The following XIRP2 variants were observed in gnomAD, a reference collection of about 807,000 sequenced individuals.
The protein encoded by XIRP2 is xin actin-binding repeat-containing protein 2.
Under a neutral mutation model 277.0 loss-of-function variants are expected in XIRP2, and 236 were observed. The ratio of observed to expected loss-of-function variants is 0.85; its 90% CI spans 0.77 to 0.95. The LOEUF (loss-of-function observed/expected upper bound fraction) is 0.95, where lower values mean the gene tolerates loss of function less well. XIRP2 is among the 40% of genes least tolerant of loss of function. The pLI, the probability that XIRP2 is intolerant of heterozygous loss-of-function variation, is 0.00. For missense variants in XIRP2, 4,640 were observed against 4,157.5 expected, an observed-to-expected ratio of 1.12 and a Z score of -3.19; for synonymous variants, 1,490 against 1,416.5, an observed-to-expected ratio of 1.05 and a Z score of -1.17.
chr2:167,079,064 A>G (rs542530412), intron 2 of XIRP2, among the ~76,000 whole-genome samples: 3 of 152,254 alleles, frequency 2.0e-5, no homozygotes, highest in Admixed American at 6.5e-5. Flanking sequence ...GGTTTTTATC[A>G]TGAAAGGATG....
chr2:167,146,885 G>A (rs1343918175), intron 3 of XIRP2, among the ~76,000 whole-genome samples: 1 of 152,012 alleles, frequency 6.6e-6, no homozygotes, highest in African/African-American at 2.4e-5. Flanking sequence ...AGAGAGAAGA[G>A]AATTTAAGTT....
At chr2:167,031,221 T>C (rs1426299873) in intron 2 of XIRP2, among the ~76,000 whole-genome samples, 1 of 152,152 alleles carries the variant, frequency 6.6e-6, no homozygotes, top group African/African-American at 2.4e-5. Context: ...ATGTGTGAAT[T>C]TGATTCTGTC....
intron 3 of XIRP2, among the ~76,000 whole-genome samples, chr2:167,191,868 T>C (rs1452356799): frequency 1.3e-5 from 2 of 152,148 alleles, no homozygotes; most frequent in Non-Finnish European, 2.9e-5. Flanking sequence ...AATTGCCAAA[T>C]TGCTCCCGGC....
chr2:167,208,392 T>C (rs1024809684), intron 3 of XIRP2, among the ~76,000 whole-genome samples: 6 of 152,098 alleles, frequency 3.9e-5, no homozygotes, highest in South Asian at 4.1e-4. Context: ...ACTGCAAGCT[T>C]CGCCTCCCGG....
At chr2:166,955,956 G>A (rs1475704241) in intron 2 of XIRP2, among the ~76,000 whole-genome samples, 1 of 151,688 alleles carries the variant, frequency 6.6e-6, no homozygotes, top group East Asian at 2.0e-4. Context: ...TCAAATGGCT[G>A]CAGTGTCAAT....
chr2:166,947,679 C>T (rs547177371), intron 2 of XIRP2, among the ~76,000 whole-genome samples: 1 of 152,208 alleles, frequency 6.6e-6, no homozygotes, highest in African/African-American at 2.4e-5. Flanking sequence ...GGAACAACCA[C>T]TTTGGAAGGC....
intron 2 of XIRP2, among the ~76,000 whole-genome samples, chr2:166,958,919 A>G (rs1686235613): frequency 1.3e-5 from 2 of 151,790 alleles, no homozygotes; most frequent in South Asian, 4.1e-4. Flanking sequence ...GAGAACGTCT[A>G]TTCCAACCTC....
At chr2:167,226,842 A>G (rs1031237385) in intron 5 of XIRP2, among the ~76,000 whole-genome samples, 1 of 152,056 alleles carries the variant, frequency 6.6e-6, no homozygotes, top group Non-Finnish European at 1.5e-5. Flanking sequence ...TCCTACCCTT[A>G]TCATGACTCT....
intron 2 of XIRP2, among the ~76,000 whole-genome samples, chr2:167,030,547 G>A (rs1161977331): frequency 6.6e-6 from 1 of 152,108 alleles, no homozygotes; most frequent in Non-Finnish European, 1.5e-5. Context: ...TTAATCCTGA[G>A]TTCTCATTTG....
At chr2:167,060,387 A>G (rs549995965) in intron 2 of XIRP2, among the ~76,000 whole-genome samples, 5 of 152,240 alleles carry the variant, frequency 3.3e-5, no homozygotes, top group East Asian at 3.9e-4. Flanking sequence ...TTCCACAACC[A>G]AAGAGAATTT....
At chr2:167,217,383 T>A (rs6746061) in intron 4 of XIRP2, among the ~76,000 whole-genome samples, 44,026 of 151,898 alleles carry the variant, frequency 0.29, 8,629 homozygotes, top group African/African-American at 0.56. Flanking sequence ...CTGACATGCC[T>A]GTGCTCAGAG....
At chr2:167,140,091 A>G (rs1422394559) in intron 3 of XIRP2, among the ~76,000 whole-genome samples, 1 of 152,232 alleles carries the variant, frequency 6.6e-6, no homozygotes, top group Non-Finnish European at 1.5e-5. Context: ...GCAATAATTC[A>G]CATATTAAAA....
chr2:167,247,189 C>A lies in XIRP2; in HGVS notation c.5797C>A (p.Gln1933Lys), dbSNP rs774728374. 1 of 1,613,110 alleles carries A rather than the reference C, an allele frequency of 6.2e-7. No individual in the cohort carries two copies. Among genetic ancestry groups the A allele is most frequent in the African/African-American group, 1.3e-5 (1 of 74,714 alleles). Reference sequence around the variant, plus strand: ...ATCACTAAGGTCTTTGAAAGAAGCACAAAGAAGTTTCAAAGAGGTACATAA... The same window carrying A: ...ATCACTAAGGTCTTTGAAAGAAGCAAAAAGAAGTTTCAAAGAGGTACATAA... ...ETSLRSLKEA[Q>K]RSFKEVHKEG... The change falls in exon 9 of 11, where the codon CAA becomes AAA. Residue 1933 changes from glutamine (Q) to lysine (K), a missense_variant. Coordinates refer to ENST00000409195, the MANE Select transcript of XIRP2 (RefSeq NM_152381.6).
intron 2 of XIRP2, among the ~76,000 whole-genome samples, chr2:166,941,657 A>G (rs950581647): frequency 2.6e-5 from 4 of 152,340 alleles, no homozygotes; most frequent in Non-Finnish European, 5.9e-5. Context: ...ATAATATTTT[A>G]ATGATTTCTC....
At chr2:166,943,203 AATAAT>A (rs1330155268) in intron 2 of XIRP2, among the ~76,000 whole-genome samples, 1 of 152,170 alleles carries the variant, frequency 6.6e-6, no homozygotes, top group Non-Finnish European at 1.5e-5. Context: ...TCATAGGCCT[AATAAT>A]ATAATAGAAA....
At chr2:167,181,042 G>A (rs922162807) in intron 3 of XIRP2, among the ~76,000 whole-genome samples, 2 of 152,186 alleles carry the variant, frequency 1.3e-5, no homozygotes, top group Admixed American at 6.5e-5. Flanking sequence ...TACAAACCAT[G>A]AAATATTACA....
intron 2 of XIRP2, among the ~76,000 whole-genome samples, chr2:166,907,992 AT>A (rs1423245011): frequency 6.6e-6 from 1 of 150,958 alleles, no homozygotes; most frequent in African/African-American, 2.4e-5. Flanking sequence ...TATGTGCCAC[AT>A]TTAGTTAATC....
At chr2:167,036,749 C>T (rs141418316) in intron 2 of XIRP2, among the ~76,000 whole-genome samples, 1 of 152,028 alleles carries the variant, frequency 6.6e-6, no homozygotes, top group African/African-American at 2.4e-5. Flanking sequence ...TTGGCTGTGT[C>T]CCCACCCAAA....
At chr2:167,192,110 G>T (rs1693360729) in intron 3 of XIRP2, among the ~76,000 whole-genome samples, 1 of 151,924 alleles carries the variant, frequency 6.6e-6, no homozygotes, top group African/African-American at 2.4e-5. Flanking sequence ...TTTTCTCGGT[G>T]TTTTCCATTT....
Sources: gnomAD v4.1 joint callset for allele counts (sites outside exome capture counted in the v4.1 genomes callset) on GRCh38, gnomAD v4.1.1 for gene constraint, MANE v1.5 for transcripts, NCBI Gene and HGNC (gene_info 2026-07-23, HGNC 2026-07-21) for gene names.